Variants in HMG20A observed in about 807,000 individuals in gnomAD.
HMG20A encodes high mobility group 20A.
HMG20A carries 17 observed loss-of-function variants against 43.9 expected under a neutral mutation model. That is an observed-to-expected ratio of 0.39 (90% CI 0.27 to 0.58). The LOEUF (loss-of-function observed/expected upper bound fraction) is 0.58, where lower values mean the gene tolerates loss of function less well. Ranked by LOEUF, HMG20A falls within the 20% of genes least tolerant of loss-of-function variation. The pLI is 0.59. For missense variants in HMG20A, 341 were observed against 438.2 expected, an observed-to-expected ratio of 0.78 and a Z score of 1.98; for synonymous variants, 132 against 147.5, an observed-to-expected ratio of 0.89 and a Z score of 0.76.
At chr15:77,512,505 C>A in the HMG20A span, among the ~76,000 whole-genome samples, 2 of 151,956 alleles carry the variant, frequency 1.3e-5, no homozygotes, top group African/African-American at 2.4e-5. Context: ...ACATCAGGGA[C>A]AATTTGAGCA....
At chr15:77,429,608 C>T (rs1339665597) in intron 1 of HMG20A, among the ~76,000 whole-genome samples, 1 of 152,140 alleles carries the variant, frequency 6.6e-6, no homozygotes, top group Non-Finnish European at 1.5e-5. Flanking sequence ...TATAGAACTT[C>T]ATTCTGAGAA....
Position 77,420,971 on chromosome 15 carries a change from G to A in HMG20A, c.-38G>A, listed in dbSNP as rs1020813655. ...CCTCTGTGGAAGGGACTTTCTTTTG[G>A]CCCTAGGCCCCTTCCTGCCCCTGTC... is the stretch of plus-strand genomic sequence containing the variant. On this transcript the variant is annotated 5_prime_UTR_variant, in exon 1 of 10. Coordinates refer to ENST00000336216, the MANE Select transcript of HMG20A (RefSeq NM_001304504.2). 1.3e-5 allele frequency: 5 copies of A among 398,574 alleles called. No homozygotes were observed. The highest frequency in any genetic ancestry group is 1.0e-4 in the African/African-American group (5 of 48,640). 24.7% of individuals were successfully genotyped at this position (398,574 alleles called of 1,614,324 possible).
chr15:77,466,854 A>G (rs2072760879), intron 3 of HMG20A, among the ~76,000 whole-genome samples: 1 of 152,210 alleles, frequency 6.6e-6, no homozygotes, highest in Non-Finnish European at 1.5e-5. Flanking sequence ...CCTTTAGTGT[A>G]ACATTTTGTA....
chr15:77,496,568 T>G, the HMG20A span, among the ~76,000 whole-genome samples: 1 of 152,240 alleles, frequency 6.6e-6, no homozygotes. Flanking sequence ...TGTGGGACAT[T>G]TGCTTTCTTC....
At chr15:77,469,737 G>A (rs1387109852) in intron 4 of HMG20A, among the ~76,000 whole-genome samples, 1 of 152,004 alleles carries the variant, frequency 6.6e-6, no homozygotes, top group African/African-American at 2.4e-5. Context: ...GCACACTCTC[G>A]GCTCATTGCA....
chr15:77,506,187 G>A, the HMG20A span, among the ~76,000 whole-genome samples: 8 of 151,242 alleles, frequency 5.3e-5, no homozygotes, highest in African/African-American at 1.9e-4. Context: ...CCCATGAAAA[G>A]TTCAACTTTA....
At chr15:77,438,788 T>C (rs1267079309) in intron 1 of HMG20A, among the ~76,000 whole-genome samples, 1 of 152,162 alleles carries the variant, frequency 6.6e-6, no homozygotes, top group Admixed American at 6.5e-5. Context: ...AGAGAAAATG[T>C]TTTCAAGTTT....
At chr15:77,433,555 A>G (rs1280160564) in intron 1 of HMG20A, among the ~76,000 whole-genome samples, 1 of 152,166 alleles carries the variant, frequency 6.6e-6, no homozygotes, top group East Asian at 1.9e-4. Context: ...CTCTTTCGTG[A>G]ACCTAAATGT....
At chr15:77,434,873 T>C (rs1017250141) in intron 1 of HMG20A, among the ~76,000 whole-genome samples, 1 of 152,148 alleles carries the variant, frequency 6.6e-6, no homozygotes, top group Non-Finnish European at 1.5e-5. Context: ...GACCCAGCTG[T>C]TCCTAGGTAT....
chr15:77,458,278 T>C, intron 1 of HMG20A, 126 bp from the exon 2 acceptor site: 2 of 614,492 alleles, frequency 3.3e-6, no homozygotes, highest in East Asian at 2.9e-5. Flanking sequence ...AGAAAATAAA[T>C]ATTTAGGTCA....
At chr15:77,456,471 A>G (rs2072655286) in intron 1 of HMG20A, among the ~76,000 whole-genome samples, 1 of 152,074 alleles carries the variant, frequency 6.6e-6, no homozygotes, top group Non-Finnish European at 1.5e-5. Context: ...ACTTGAGGCT[A>G]GGAGTTCAAG....
chr15:77,428,962 CAAA>C (rs36116258), intron 1 of HMG20A, among the ~76,000 whole-genome samples: 2 of 107,128 alleles, frequency 1.9e-5, no homozygotes, highest in Admixed American at 9.2e-5. Context: ...GACTCTGTCT[CAAA>C]AAAAAAAAAA....
intron 1 of HMG20A, among the ~76,000 whole-genome samples, chr15:77,432,080 G>T (rs1177650405): frequency 2.0e-5 from 3 of 152,118 alleles, no homozygotes; most frequent in Admixed American, 6.5e-5. Flanking sequence ...GAATAATCTG[G>T]CAATAACCCT....
At chr15:77,497,266 A>G in the HMG20A span, among the ~76,000 whole-genome samples, 1 of 152,166 alleles carries the variant, frequency 6.6e-6, no homozygotes, top group Non-Finnish European at 1.5e-5. Flanking sequence ...CCCGTTCCCG[A>G]GAAGGTGAGG....
intron 1 of HMG20A, among the ~76,000 whole-genome samples, chr15:77,435,439 A>G (rs1362274231): frequency 1.3e-5 from 2 of 152,032 alleles, no homozygotes. Flanking sequence ...GCGTGCCACC[A>G]TGCCTGGCTA....
chr15:77,430,776 G>A (rs528272279), intron 1 of HMG20A, among the ~76,000 whole-genome samples: 1 of 152,184 alleles, frequency 6.6e-6, no homozygotes, highest in South Asian at 2.1e-4. Context: ...CTGTAAGAAA[G>A]TTAATTTGTA....
chr15:77,457,367 A>G (rs2072664651), intron 1 of HMG20A, among the ~76,000 whole-genome samples: 1 of 152,014 alleles, frequency 6.6e-6, no homozygotes, highest in Non-Finnish European at 1.5e-5. Context: ...AATTCTCATA[A>G]TTTGCTTCTC....
the HMG20A span, among the ~76,000 whole-genome samples, chr15:77,510,722 G>A: frequency 1.3e-5 from 2 of 152,350 alleles, no homozygotes; most frequent in East Asian, 3.9e-4. Context: ...GTCCTTGGGA[G>A]TGTGGAGGCT....
intron 1 of HMG20A, among the ~76,000 whole-genome samples, chr15:77,439,696 C>T (rs2073590464): frequency 2.6e-5 from 4 of 152,092 alleles, no homozygotes; most frequent in South Asian, 2.1e-4. Context: ...TATGAACATT[C>T]GCATACATGT....
Sources: allele counts gnomAD v4.1 joint callset (sites outside exome capture counted in the v4.1 genomes callset), GRCh38; gene constraint gnomAD v4.1.1; transcripts MANE v1.5; gene names NCBI Gene and HGNC (gene_info 2026-07-23, HGNC 2026-07-21).